The following GART variants were observed in gnomAD, a reference collection of about 807,000 sequenced individuals.
GART encodes the protein phosphoribosylglycinamide formyltransferase, phosphoribosylglycinamide synthetase, phosphoribosylaminoimidazole synthetase, also known as trifunctional purine biosynthetic protein adenosine-3.
In GART, 43 loss-of-function variants were observed where a neutral mutation model predicts 107.2. The observed-to-expected ratio is 0.40, with a 90% confidence interval of 0.31 to 0.52. The LOEUF (loss-of-function observed/expected upper bound fraction) is 0.52. Ranked by LOEUF, GART falls within the 20% of genes least tolerant of loss-of-function variation. The pLI, the probability that GART is intolerant of heterozygous loss-of-function variation, is 0.52. For synonymous variants in GART, 434 were observed against 427.0 expected, an observed-to-expected ratio of 1.02 and a Z score of -0.20; for missense variants, 1,107 against 1,206.5, an observed-to-expected ratio of 0.92 and a Z score of 1.22.
At chr21:33,521,811 T>G (rs761444386) in intron 12 of GART, among the ~76,000 whole-genome samples, 1 of 151,334 alleles carries the variant, frequency 6.6e-6, no homozygotes, top group Non-Finnish European at 1.5e-5. Context: ...ATACAAAAAT[T>G]AGCCAGGCAT....
chr21:33,516,919 T>C (rs1009997053), intron 16 of GART, 70 bp downstream of exon 16: 6 of 1,360,674 alleles, frequency 4.4e-6, no homozygotes, highest in African/African-American at 2.9e-5. Flanking sequence ...TAACTACCCA[T>C]AGTTTTCTCG....
chr21:33,541,649 A>G (rs2085429136), intron 1 of GART, among the ~76,000 whole-genome samples: 1 of 152,194 alleles, frequency 6.6e-6, no homozygotes, highest in Non-Finnish European at 1.5e-5. Context: ...GGACTTCACT[A>G]ACCTTGGGCC....
chr21:33,527,943 C>T (rs146333800), intron 10 of GART, among the ~76,000 whole-genome samples: 1 of 152,288 alleles, frequency 6.6e-6, no homozygotes, highest in African/African-American at 2.4e-5. Context: ...GGTTCTGCCA[C>T]TTATGTCTTC....
Position 33,520,570 on chromosome 21 carries a change from A to G in GART, c.1504-8T>C. On this transcript the variant is annotated splice_polypyrimidine_tract_variant and splice_region_variant and intron_variant, in intron 13 of 21. Transcript: ENST00000381815. ...ATTGCATAGCTGGGCAATCTATGTA[A>G]GAACAATATAAACATCCACATTAGG... 1 of 1,610,792 alleles carries G rather than the reference A, an allele frequency of 6.2e-7. No homozygotes were observed. The highest frequency in any genetic ancestry group is 8.5e-7 in the Non-Finnish European group (1 of 1,177,204).
intron 15 of GART, 81 bp from the exon 16 acceptor site, chr21:33,517,222 C>T: frequency 6.4e-7 from 1 of 1,556,898 alleles, no homozygotes; most frequent in Non-Finnish European, 8.7e-7. Context: ...AGAATGACAC[C>T]AGCTCTACAA....
rs1479840800 is a variant in GART at position 33,504,400 on chromosome 21, A to G, written c.2841+12T>C. Reference sequence around the variant, plus strand: ...CTACTAATATTATGTTGGTAGAAAAAGACATACTCACAGCTACAAAGTGTA... The same window carrying G: ...CTACTAATATTATGTTGGTAGAAAAGGACATACTCACAGCTACAAAGTGTA... On this transcript the variant is annotated intron_variant, in intron 21 of 21. Coordinates refer to ENST00000381815, the MANE Select transcript of GART (RefSeq NM_000819.5). 3.7e-6 allele frequency: 6 copies of G among 1,611,066 alleles called. No homozygotes were observed. In the East Asian group the frequency reaches 1.3e-4, roughly 36 times the overall value.
chr21:33,512,803 G>A (rs190321106), intron 16 of GART, among the ~76,000 whole-genome samples: 85 of 152,040 alleles, frequency 5.6e-4, no homozygotes, highest in Admixed American at 5.3e-3. Flanking sequence ...ATGTTGCCCA[G>A]TCTAGTTTTG....
intron 14 of GART, 134 bp downstream of exon 14, chr21:33,520,230 G>A: frequency 1.4e-6 from 1 of 711,814 alleles, no homozygotes; most frequent in East Asian, 2.6e-5. Context: ...TATTTCATTT[G>A]TGCATATCAC....
intron 18 of GART, chr21:33,509,578 A>G (rs1437563924): frequency 1.4e-5 from 6 of 416,234 alleles, no homozygotes; most frequent in Middle Eastern, 6.0e-4. Context: ...CAGCTTTCTG[A>G]CATCCTTTAC....
intron 17 of GART, 135 bp from the exon 18 acceptor site, chr21:33,510,055 A>G (rs1214194751): frequency 3.9e-6 from 3 of 761,072 alleles, no homozygotes; most frequent in African/African-American, 3.5e-5. Flanking sequence ...ACTAAAATGA[A>G]CAACACATTT....
intron 2 of GART, among the ~76,000 whole-genome samples, chr21:33,538,893 G>A (rs1317086337): frequency 6.6e-5 from 10 of 152,220 alleles, no homozygotes; most frequent in Non-Finnish European, 1.3e-4. Context: ...CCATTCTCCT[G>A]CCTCAGCCTC....
In GART at chr21:33,520,319, CA is replaced by C. The variant is rs777519167; in HGVS notation, c.1702+44del. 155 of 1,576,824 alleles carry C rather than the reference CA, an allele frequency of 9.8e-5. 1 individual carries two copies. Among genetic ancestry groups the C allele is most frequent in the Non-Finnish European group, 1.3e-4 (144 of 1,147,388 alleles). On this transcript the variant is annotated intron_variant, in intron 14 of 21. Coordinates refer to ENST00000381815, the MANE Select transcript of GART (RefSeq NM_000819.5). Reference sequence around the variant, plus strand: ...CACATTTTTACATAGGGCTAAAACACAAAAAGAAGAATGACATGTTATTGAT... The same window carrying C: ...CACATTTTTACATAGGGCTAAAACACAAAAGAAGAATGACATGTTATTGAT...
chr21:33,520,598 A>G, intron 13 of GART, 36 bp from the exon 14 acceptor site: 10 of 1,561,320 alleles, frequency 6.4e-6, no homozygotes, highest in South Asian at 1.1e-5. Flanking sequence ...ACATTAGGGA[A>G]TAAGTTCAAA....
intron 10 of GART, among the ~76,000 whole-genome samples, chr21:33,526,173 T>C (rs1048645819): frequency 3.3e-5 from 5 of 151,372 alleles, no homozygotes; most frequent in Non-Finnish European, 7.4e-5. Context: ...AGCCGGGAAC[T>C]TCCTTTTCTT....
At position 33,504,322 on chromosome 21, in the gene GART, A is replaced by C. The variant is rs202131378; in HGVS notation, c.2842-7T>G. 19 of 1,612,798 alleles carry C rather than the reference A, an allele frequency of 1.2e-5. No homozygotes were observed. In the East Asian group the frequency reaches 2.2e-4, roughly 19 times the overall value. ...GTCCAGCATCCACATCTTCCTGGAA[A>C]AGTAAGCAAAAGTTTTGAACATTAC... On this transcript the variant is annotated splice_polypyrimidine_tract_variant and splice_region_variant and intron_variant, in intron 21 of 21. Transcript: ENST00000381815.
At chr21:33,526,234 G>C (rs889768046) in intron 10 of GART, among the ~76,000 whole-genome samples, 1 of 150,966 alleles carries the variant, frequency 6.6e-6, no homozygotes, top group Non-Finnish European at 1.5e-5. Context: ...GCAGTTGTGC[G>C]ACCTCGGCTC....
intron 13 of GART, 98 bp from the exon 14 acceptor site, chr21:33,520,660 A>G: frequency 9.1e-7 from 1 of 1,095,640 alleles, no homozygotes; most frequent in Non-Finnish European, 1.3e-6. Flanking sequence ...AAACAAAAGA[A>G]CACGAAATTC....
At chr21:33,525,113 G>A in intron 10 of GART, 113 bp from the exon 11 acceptor site, 1 of 1,434,990 alleles carries the variant, frequency 7.0e-7, no homozygotes, top group South Asian at 1.5e-5. Context: ...TTGGCTAGGT[G>A]CGGTGGCTCA....
intron 2 of GART, among the ~76,000 whole-genome samples, chr21:33,536,949 G>T (rs931207662): frequency 8.5e-5 from 13 of 152,210 alleles, no homozygotes; most frequent in African/African-American, 2.9e-4. Flanking sequence ...TAAAATTGTG[G>T]ATAGGCTGGT....
Sources: gnomAD v4.1 joint callset for allele counts (sites outside exome capture counted in the v4.1 genomes callset) on GRCh38, gnomAD v4.1.1 for gene constraint, MANE v1.5 for transcripts, NCBI Gene and HGNC (gene_info 2026-07-23, HGNC 2026-07-21) for gene names.